Variants in KALRN observed in about 807,000 individuals in gnomAD.
KALRN encodes the protein kalirin.
In KALRN, 70 loss-of-function variants were observed where a neutral mutation model predicts 353.7. That is an observed-to-expected ratio of 0.20 (90% CI 0.16 to 0.24). KALRN has a LOEUF of 0.24. KALRN is among the 10% of genes least tolerant of loss of function. The probability of loss-of-function intolerance (pLI) is 1.00; values close to 1 mark genes in which losing one functional copy is unlikely to be tolerated. For missense variants in KALRN, 2,791 were observed against 3,756.7 expected, an observed-to-expected ratio of 0.74 and a Z score of 6.72; for synonymous variants, 1,391 against 1,434.8, an observed-to-expected ratio of 0.97 and a Z score of 0.69.
At chr3:124,273,539 C>T (rs781420729) in intron 5 of KALRN, among the ~76,000 whole-genome samples, 1 of 152,148 alleles carries the variant, frequency 6.6e-6, no homozygotes, top group Non-Finnish European at 1.5e-5. Flanking sequence ...TTTGGACATA[C>T]GTATACACCT....
rs867212652 is a variant in KALRN, at chr3:124,494,490, A to G, written c.4832+1608A>G. ...GGAGCGCTGGCCCAGATAATCCAAA[A>G]CAACAGATGATCTAAAAGTCCTTTA... On this transcript the variant is annotated intron_variant, in intron 32 of 59. Coordinates refer to ENST00000682506, the MANE Select transcript of KALRN (RefSeq NM_001388419.1). 3.9e-5 allele frequency among the ~76,000 whole-genome samples: 6 copies of G among 152,222 alleles called. No individual in the cohort carries two copies. The South Asian group carries it at 1.0e-3, about 26-fold the overall frequency.
chr3:124,406,988 C>T (rs866526097), intron 13 of KALRN, among the ~76,000 whole-genome samples: 1 of 152,014 alleles, frequency 6.6e-6, no homozygotes, highest in East Asian at 1.9e-4. Context: ...TATGCGCCAC[C>T]ACGCCCAGCT....
intron 34 of KALRN, among the ~76,000 whole-genome samples, chr3:124,568,614 A>G (rs1265228930): frequency 6.6e-6 from 1 of 152,244 alleles, no homozygotes; most frequent in African/African-American, 2.4e-5. Flanking sequence ...AGTGTCCAGC[A>G]ACAGGTGAAT....
intron 10 of KALRN, among the ~76,000 whole-genome samples, chr3:124,350,632 G>C (rs989257841): frequency 6.6e-6 from 1 of 152,186 alleles, no homozygotes; most frequent in Non-Finnish European, 1.5e-5. Context: ...AAGGGAGTGA[G>C]GGTGGGGGAT....
In KALRN at chr3:124,321,834, A is replaced by C. The variant is rs560493966; in HGVS notation, c.1093-4146A>C. On this transcript the variant is annotated intron_variant, in intron 6 of 59. Coordinates refer to ENST00000682506, the MANE Select transcript of KALRN (RefSeq NM_001388419.1). Reference sequence around the variant, plus strand: ...CAGATAATGCAACGGACCATGCTGCAGGTGCATTGCCTTCTGCAGGGTAGA... The same window carrying C: ...CAGATAATGCAACGGACCATGCTGCCGGTGCATTGCCTTCTGCAGGGTAGA... Among the ~76,000 whole-genome samples the C allele has an allele frequency of 2.0e-5, 3 of 152,346 alleles. No individual in the cohort carries two copies. In the South Asian group the frequency reaches 6.2e-4, roughly 32 times the overall value.
chr3:124,220,570 T>C (rs1157733879), intron 1 of KALRN, among the ~76,000 whole-genome samples: 1 of 152,196 alleles, frequency 6.6e-6, no homozygotes, highest in Non-Finnish European at 1.5e-5. Context: ...TTGCTTCTAA[T>C]AGGTTCTCTA....
At chr3:124,449,298 T>C (rs1210260031) in intron 21 of KALRN, among the ~76,000 whole-genome samples, 1 of 152,026 alleles carries the variant, frequency 6.6e-6, no homozygotes, top group African/African-American at 2.4e-5. Context: ...GAAGAACCAT[T>C]GGATATAGAA....
chr3:124,366,975 C>T (rs1190052736), intron 10 of KALRN, among the ~76,000 whole-genome samples: 1 of 141,254 alleles, frequency 7.1e-6, no homozygotes, highest in East Asian at 2.3e-4. Flanking sequence ...AGGCGCCCCT[C>T]ACCTCCCGGA....
rs552165396 is a variant in KALRN at position 124,679,898 on chromosome 3, G to A, written c.7377+381G>A. On this transcript the variant is annotated intron_variant, in intron 51 of 59. Transcript: ENST00000682506. ...CAGCTAAATGACAAGGACTCATTTCGTGTTTAGTTTCTCCCGCTTTTGTTT... is the reference window on the plus strand; with the variant it reads ...CAGCTAAATGACAAGGACTCATTTCATGTTTAGTTTCTCCCGCTTTTGTTT... The A allele has an allele frequency of 2.5e-3, 736 of 297,996 alleles. 11 individuals are homozygous for A. Among genetic ancestry groups the A allele is most frequent in the South Asian group, 0.024 (706 of 29,614 alleles). The allele number at this position is 297,996 out of a possible 1,614,324, so 18.5% of individuals were successfully genotyped here.
chr3:124,265,006 G>A (rs2073336056), intron 4 of KALRN, among the ~76,000 whole-genome samples: 1 of 152,180 alleles, frequency 6.6e-6, no homozygotes, highest in Admixed American at 6.5e-5. Flanking sequence ...ATCCATTGAT[G>A]TAGCAATTCT....
chr3:124,713,122 C>T lies in KALRN; in HGVS notation c.8263C>T (p.Leu2755=), dbSNP rs963918134. 4 of 1,613,514 alleles carry T rather than the reference C, an allele frequency of 2.5e-6. No homozygotes were observed. Among genetic ancestry groups the T allele is most frequent in the Middle Eastern group, 1.7e-4 (1 of 6,056 alleles). ...CTATGAGTCCCCCACATCCTACATC[C>T]TGATCTTGGAACTGTAAGTACAGAC... The part of the protein sequence containing the change: ...DTYESPTSYI[L]ILELMDDGRL... Residue 2755 remains leucine, a synonymous_variant, in exon 58 of 60, where the codon CTG becomes TTG. Transcript: ENST00000682506.
intron 32 of KALRN, among the ~76,000 whole-genome samples, chr3:124,495,965 G>GTATATATATATATATATATA (rs768441029): frequency 2.4e-4 from 10 of 41,470 alleles, no homozygotes; most frequent in Non-Finnish European, 3.1e-4. Flanking sequence ...GTGTATGTAT[G>GTATATATATATATATATATA]TATATATATA....
At chr3:124,658,279 C>T in intron 41 of KALRN, 152 bp from the exon 42 acceptor site, 1 of 647,764 alleles carries the variant, frequency 1.5e-6, no homozygotes, top group Non-Finnish European at 2.8e-6. Context: ...GGCTCTTGCC[C>T]ACCACATTTA....
intron 1 of KALRN, among the ~76,000 whole-genome samples, chr3:124,217,899 CA>C (rs1386142590): frequency 6.6e-6 from 1 of 152,178 alleles, no homozygotes; most frequent in Non-Finnish European, 1.5e-5. Context: ...GAACTGTGCC[CA>C]GTCTGTGCCA....
chr3:124,328,672 C>T (rs2080181871), intron 7 of KALRN, among the ~76,000 whole-genome samples: 1 of 152,152 alleles, frequency 6.6e-6, no homozygotes, highest in Non-Finnish European at 1.5e-5. Context: ...AAGTCAACCA[C>T]AACAATCAAC....
intron 32 of KALRN, among the ~76,000 whole-genome samples, chr3:124,495,729 T>TAAAAAAAAA (rs1170201040): frequency 4.4e-5 from 3 of 68,222 alleles, no homozygotes; most frequent in East Asian, 5.4e-4. Context: ...GACTCCATCT[T>TAAAAAAAAA]AAAAAAAAAA....
chr3:124,411,433 CTTTTTTTTTTTTTT>C (rs61485429), intron 13 of KALRN, among the ~76,000 whole-genome samples: 2 of 51,496 alleles, frequency 3.9e-5, no homozygotes, highest in Non-Finnish European at 3.8e-5. Context: ...TTAAATTATG[CTTTTTTTTTTTTTT>C]TTTTTTTTTT....
At chr3:124,386,941 A>G (rs907873084) in intron 11 of KALRN, among the ~76,000 whole-genome samples, 5 of 152,228 alleles carry the variant, frequency 3.3e-5, no homozygotes, top group African/African-American at 1.2e-4. Flanking sequence ...GCCTCAGAAA[A>G]TAACTTTTCT....
intron 5 of KALRN, among the ~76,000 whole-genome samples, chr3:124,282,380 T>TTTC (rs1553891577): frequency 6.0e-5 from 4 of 67,168 alleles, no homozygotes; most frequent in Admixed American, 2.1e-4. Flanking sequence ...TACATTTTTC[T>TTTC]TTTTTTTTTT....
Sources: allele counts gnomAD v4.1 joint callset (sites outside exome capture counted in the v4.1 genomes callset), GRCh38; gene constraint gnomAD v4.1.1; transcripts MANE v1.5; gene names NCBI Gene and HGNC (gene_info 2026-07-23, HGNC 2026-07-21).